Variants in GALNTL6 observed in about 807,000 individuals in gnomAD.
GALNTL6 encodes polypeptide N-acetylgalactosaminyltransferase-like 6.
GALNTL6 carries 46 observed loss-of-function variants against 73.7 expected under a neutral mutation model. That is an observed-to-expected ratio of 0.62 (90% confidence interval 0.49 to 0.80). GALNTL6 has a LOEUF of 0.80. Ranked by LOEUF, GALNTL6 falls within the 30% of genes least tolerant of loss-of-function variation. GALNTL6 has a pLI of 0.00. For synonymous variants in GALNTL6, 259 were observed against 263.7 expected, an observed-to-expected ratio of 0.98 and a Z score of 0.17; for missense variants, 604 against 755.0, an observed-to-expected ratio of 0.80 and a Z score of 2.34.
At chr4:172,444,648 C>T (rs1014500732) in intron 5 of GALNTL6, among the ~76,000 whole-genome samples, 6 of 151,832 alleles carry the variant, frequency 4.0e-5, no homozygotes, top group Non-Finnish European at 8.8e-5. Flanking sequence ...TTTCAGAAGA[C>T]AAACCATTAT....
At chr4:172,052,512 T>A (rs1730904987) in intron 2 of GALNTL6, 1 of 1,534,660 alleles carries the variant, frequency 6.5e-7, no homozygotes, top group Non-Finnish European at 8.7e-7. Context: ...GACCACGGAG[T>A]GCATGAGCTG....
intron 3 of GALNTL6, among the ~76,000 whole-genome samples, chr4:172,304,148 C>T (rs1229186959): frequency 1.3e-5 from 2 of 152,270 alleles, no homozygotes; most frequent in African/African-American, 4.8e-5. Flanking sequence ...CAGACCTTGT[C>T]ACAGAGTAGG....
intron 2 of GALNTL6, among the ~76,000 whole-genome samples, chr4:171,939,093 GAA>G (rs11393589): frequency 2.0e-5 from 3 of 149,134 alleles, no homozygotes; most frequent in Non-Finnish European, 4.5e-5. Context: ...ATTTAAAATG[GAA>G]AAAAAAAACA....
At chr4:172,103,416 T>C (rs897235925) in intron 2 of GALNTL6, among the ~76,000 whole-genome samples, 1 of 152,220 alleles carries the variant, frequency 6.6e-6, no homozygotes, top group Non-Finnish European at 1.5e-5. Flanking sequence ...AGGTTTACTA[T>C]GTTTAATGTT....
chr4:172,336,251 C>T (rs1485850270), intron 4 of GALNTL6, among the ~76,000 whole-genome samples: 1 of 140,202 alleles, frequency 7.1e-6, no homozygotes, highest in Admixed American at 7.1e-5. Flanking sequence ...TTTTTGAGAA[C>T]TCTTCTTGGT....
At chr4:172,722,660 GTACCA>G (rs1385516713) in intron 5 of GALNTL6, among the ~76,000 whole-genome samples, 1 of 152,112 alleles carries the variant, frequency 6.6e-6, no homozygotes, top group Non-Finnish European at 1.5e-5. Context: ...TTACCTACAT[GTACCA>G]TACCATAAGT....
chr4:172,419,083 G>A (rs1211741834), intron 5 of GALNTL6, among the ~76,000 whole-genome samples: 2 of 152,066 alleles, frequency 1.3e-5, no homozygotes, highest in Non-Finnish European at 2.9e-5. Flanking sequence ...GGTGGTATAT[G>A]TATATTTGCA....
At chr4:172,388,146 A>G (rs1743537453) in intron 5 of GALNTL6, among the ~76,000 whole-genome samples, 1 of 152,280 alleles carries the variant, frequency 6.6e-6, no homozygotes, top group South Asian at 2.1e-4. Context: ...ATCCTATTTT[A>G]ACATCCCAAT....
At chr4:171,851,957 CAG>C (rs1735535278) in intron 2 of GALNTL6, among the ~76,000 whole-genome samples, 1 of 152,186 alleles carries the variant, frequency 6.6e-6, no homozygotes, top group Admixed American at 6.5e-5. Flanking sequence ...AAGGTAAGCA[CAG>C]AGTTTCACTC....
intron 2 of GALNTL6, among the ~76,000 whole-genome samples, chr4:171,889,387 C>A (rs562627002): frequency 6.6e-6 from 1 of 152,106 alleles, no homozygotes; most frequent in East Asian, 1.9e-4. Flanking sequence ...TCTTTGGATT[C>A]ATATCATTAT....
chr4:173,022,777 A>G (rs928332840), intron 12 of GALNTL6, among the ~76,000 whole-genome samples: 1 of 152,252 alleles, frequency 6.6e-6, no homozygotes, highest in Non-Finnish European at 1.5e-5. Flanking sequence ...TCAAAAACAT[A>G]TATAAAGTCA....
intron 2 of GALNTL6, among the ~76,000 whole-genome samples, chr4:172,061,950 T>TC (rs1263022958): frequency 2.0e-5 from 3 of 148,606 alleles, no homozygotes; most frequent in Non-Finnish European, 3.0e-5. Flanking sequence ...ATCCACTTTT[T>TC]TTTTTTTTTT....
At chr4:171,922,033 C>T (rs373391933) in intron 2 of GALNTL6, among the ~76,000 whole-genome samples, 1 of 151,658 alleles carries the variant, frequency 6.6e-6, no homozygotes, top group East Asian at 1.9e-4. Flanking sequence ...ACTATCCCTG[C>T]CATTAATTTG....
chr4:172,251,519 T>C (rs1435062146), intron 3 of GALNTL6, among the ~76,000 whole-genome samples: 1 of 152,166 alleles, frequency 6.6e-6, no homozygotes, highest in African/African-American at 2.4e-5. Context: ...CATATCAGGC[T>C]GGCACATCCT....
chr4:172,925,360 A>T (rs1263267619), intron 8 of GALNTL6, among the ~76,000 whole-genome samples: 2 of 152,234 alleles, frequency 1.3e-5, no homozygotes, highest in African/African-American at 4.8e-5. Flanking sequence ...GGATGAGGTT[A>T]TCGATAGAAG....
At chr4:172,472,860 A>G (rs1398135171) in intron 5 of GALNTL6, among the ~76,000 whole-genome samples, 5 of 152,174 alleles carry the variant, frequency 3.3e-5, no homozygotes, top group Non-Finnish European at 5.9e-5. Flanking sequence ...GAACTGTAAA[A>G]GAATAAGTTT....
chr4:172,155,100 C>T (rs987983173), intron 2 of GALNTL6, among the ~76,000 whole-genome samples: 1 of 150,602 alleles, frequency 6.6e-6, no homozygotes, highest in African/African-American at 2.4e-5. Context: ...TAGGTTCAAG[C>T]GATTCTGCTG....
intron 5 of GALNTL6, among the ~76,000 whole-genome samples, chr4:172,606,364 GA>G (rs1738261228): frequency 6.6e-6 from 1 of 150,570 alleles, no homozygotes; most frequent in Non-Finnish European, 1.5e-5. Flanking sequence ...TGAGGCAGGA[GA>G]ATCGCTTGAA....
chr4:172,686,232 T>A (rs1732907980), intron 5 of GALNTL6, among the ~76,000 whole-genome samples: 1 of 152,002 alleles, frequency 6.6e-6, no homozygotes, highest in African/African-American at 2.4e-5. Flanking sequence ...CCTGTAAAGA[T>A]CCCTCTGGGA....
Sources: gnomAD v4.1 joint callset for allele counts (sites outside exome capture counted in the v4.1 genomes callset) on GRCh38, gnomAD v4.1.1 for gene constraint, MANE v1.5 for transcripts, NCBI Gene and HGNC (gene_info 2026-07-23, HGNC 2026-07-21) for gene names.